SCAPER: variants seen among roughly 807,000 people sequenced by gnomAD.
SCAPER encodes S phase cyclin A-associated protein in the endoplasmic reticulum.
A neutral mutation model predicts 182.2 loss-of-function variants in SCAPER; 98 were observed. The ratio of observed to expected loss-of-function variants is 0.54; its 90% CI spans 0.46 to 0.64. The LOEUF (loss-of-function observed/expected upper bound fraction) is 0.64, where lower values mean the gene tolerates loss of function less well. Among genes scored for constraint, SCAPER ranks in the 30% least tolerant of loss-of-function variants. SCAPER has a pLI of 0.00. For missense variants in SCAPER, 1,432 were observed against 1,690.0 expected, an observed-to-expected ratio of 0.85 and a Z score of 2.68; for synonymous variants, 605 against 564.6, an observed-to-expected ratio of 1.07 and a Z score of -1.01.
rs1393549578 is a variant in SCAPER at position 76,495,991 on chromosome 15, G to GACACAC, written c.2954+8867_2954+8868insGTGTGT. Reference sequence around the variant, plus strand: ...AGAAAGAGAAAGAAAGCAAAAGAGAGAGACACACACACACACACACACACA... The same window carrying GACACAC: ...AGAAAGAGAAAGAAAGCAAAAGAGAGACACACAGACACACACACACACACACACACA... On this transcript the variant is annotated intron_variant, in intron 24 of 31. Coordinates refer to ENST00000563290, the MANE Select transcript of SCAPER (RefSeq NM_020843.4). 4.9e-3 allele frequency among the ~76,000 whole-genome samples: 497 copies of GACACAC among 100,960 alleles called. 10 individuals are homozygous for GACACAC. The highest frequency in any genetic ancestry group is 6.7e-3 in the Non-Finnish European group (330 of 49,504). The allele number at this position is 100,960 out of a possible 152,430, so 66.2% of individuals were successfully genotyped here.
At chr15:76,728,385 T>C (rs2060716633) in intron 17 of SCAPER, among the ~76,000 whole-genome samples, 1 of 152,118 alleles carries the variant, frequency 6.6e-6, no homozygotes, top group Admixed American at 6.6e-5. Flanking sequence ...ATATATTTTT[T>C]GATTTGAGTG....
intron 25 of SCAPER, among the ~76,000 whole-genome samples, chr15:76,470,242 C>T (rs939677429): frequency 2.0e-5 from 3 of 152,094 alleles, no homozygotes; most frequent in Non-Finnish European, 4.4e-5. Flanking sequence ...TACTTCCTGT[C>T]CTCATCGATT....
At chr15:76,530,911 A>G (rs2043601459) in intron 23 of SCAPER, among the ~76,000 whole-genome samples, 1 of 151,506 alleles carries the variant, frequency 6.6e-6, no homozygotes, top group Admixed American at 6.6e-5. Flanking sequence ...TGTATATGTA[A>G]TATATATGTA....
chr15:76,683,725 CT>C (rs2057866776), intron 20 of SCAPER, among the ~76,000 whole-genome samples: 1 of 151,778 alleles, frequency 6.6e-6, no homozygotes, highest in Admixed American at 6.6e-5. Context: ...TAGCAGAAAC[CT>C]TACAAGACAG....
At chr15:76,737,946 G>A (rs903367074) in intron 15 of SCAPER, among the ~76,000 whole-genome samples, 4 of 152,158 alleles carry the variant, frequency 2.6e-5, no homozygotes, top group Non-Finnish European at 5.9e-5. Flanking sequence ...TTGGCTTAAC[G>A]GAATGTTGTG....
chr15:76,440,907 GTTTTTTTTTTGTTTTTTTT>G (rs1204116879), intron 25 of SCAPER, among the ~76,000 whole-genome samples: 1 of 82,818 alleles, frequency 1.2e-5, no homozygotes, highest in African/African-American at 4.4e-5. Flanking sequence ...TCCCCTTCTG[GTTTTTTTTTTGTTTTTTTT>G]TTTTTTTTTT....
At chr15:76,765,104 G>A in intron 13 of SCAPER, 32 bp from the exon 14 acceptor site, 2 of 1,435,710 alleles carry the variant, frequency 1.4e-6, no homozygotes, top group Non-Finnish European at 1.9e-6. Flanking sequence ...CAAGAGACAT[G>A]AAATGTTTAC....
At position 76,826,557 on chromosome 15, in the gene SCAPER, TATA is replaced by T. The variant is rs1268706378; in HGVS notation, c.393+15174_393+15176del. On this transcript the variant is annotated intron_variant, in intron 5 of 31. Transcript: ENST00000563290. ...TGCACATGTACCCTAAAACTTTAAG[TATA>T]ATAATAATTAAAAAAAAAAAAAAAC... Among the ~76,000 whole-genome samples the T allele has an allele frequency of 2.5e-4, 24 of 95,916 alleles. 1 individual carries two copies. The Admixed American group carries it at 3.4e-3, about 13-fold the overall frequency. 62.9% of individuals were successfully genotyped at this position (95,916 alleles called of 152,430 possible).
intron 21 of SCAPER, among the ~76,000 whole-genome samples, chr15:76,622,940 C>G (rs550064109): frequency 6.6e-6 from 1 of 152,266 alleles, no homozygotes; most frequent in South Asian, 2.1e-4. Flanking sequence ...GCCAGGTGCC[C>G]TCCCTATAGG....
intron 5 of SCAPER, among the ~76,000 whole-genome samples, chr15:76,816,761 T>G (rs963841051): frequency 2.0e-5 from 3 of 151,892 alleles, no homozygotes; most frequent in African/African-American, 7.2e-5. Flanking sequence ...CACACCAGTC[T>G]CCTGCCTCAG....
In SCAPER at chr15:76,434,306, T is replaced by G; in HGVS notation, c.3083A>C (p.Tyr1028Ser). The change falls in exon 26 of 32, where the codon TAT becomes TCT. Residue 1028 changes from tyrosine (Y) to serine (S), a missense_variant. Physicochemically the swap from Tyr to Ser is moderately radical, Grantham distance 144. Around this residue, in one of 5 missense-constraint regions of SCAPER, gnomAD observed 718 missense variants for 799.7 expected, o/e 0.90. Transcript: ENST00000563290. The stretch of plus-strand genomic sequence containing the variant: ...AATAGTATTATTTTCATCTGGAACA[T>G]AAACCTAGATGAAAAAAAAGTACAG... Reference protein sequence around the residue: ...MDLLIHQLTVYVPDENNTILG... With the variant: ...MDLLIHQLTVSVPDENNTILG... 6.3e-7 allele frequency: 1 copy of G among 1,598,800 alleles called. No individual in the cohort carries two copies.
intron 29 of SCAPER, among the ~76,000 whole-genome samples, chr15:76,357,461 G>A (rs1407335977): frequency 6.6e-6 from 1 of 152,172 alleles, no homozygotes; most frequent in East Asian, 1.9e-4. Flanking sequence ...AAGAATAACA[G>A]ATGTTGGCGA....
intron 24 of SCAPER, among the ~76,000 whole-genome samples, chr15:76,485,063 C>A (rs1290387639): frequency 6.6e-6 from 1 of 152,100 alleles, no homozygotes; most frequent in Non-Finnish European, 1.5e-5. Context: ...GGCAATCAGG[C>A]AAGAGAGAGA....
At chr15:76,786,169 A>C (rs1029457776) in intron 8 of SCAPER, among the ~76,000 whole-genome samples, 2 of 151,980 alleles carry the variant, frequency 1.3e-5, no homozygotes, top group Non-Finnish European at 2.9e-5. Flanking sequence ...TCTACTAAAG[A>C]CACAAAAATT....
chr15:76,683,598 C>T (rs2057858451), intron 20 of SCAPER, among the ~76,000 whole-genome samples: 1 of 151,872 alleles, frequency 6.6e-6, no homozygotes, highest in Admixed American at 6.6e-5. Flanking sequence ...CCCCAAAACA[C>T]AGAGTCATCA....
At chr15:76,769,093 T>G (rs1004327324) in intron 10 of SCAPER, among the ~76,000 whole-genome samples, 6 of 152,048 alleles carry the variant, frequency 3.9e-5, no homozygotes, top group Non-Finnish European at 7.4e-5. Flanking sequence ...TCTACCCATC[T>G]GACAAAGGGT....
intron 30 of SCAPER, among the ~76,000 whole-genome samples, chr15:76,352,956 G>A (rs543372379): frequency 1.3e-4 from 19 of 151,510 alleles, no homozygotes; most frequent in East Asian, 3.9e-4. Flanking sequence ...CAATTAAGCC[G>A]AAAACAAAAC....
intron 17 of SCAPER, among the ~76,000 whole-genome samples, chr15:76,709,090 A>C (rs1169186697): frequency 6.6e-6 from 1 of 152,134 alleles, no homozygotes. Context: ...TATCACTATA[A>C]ATCATGCTCA....
At chr15:76,752,640 A>T (rs1005178040) in intron 15 of SCAPER, among the ~76,000 whole-genome samples, 1 of 151,786 alleles carries the variant, frequency 6.6e-6, no homozygotes, top group Non-Finnish European at 1.5e-5. Flanking sequence ...AAATTACACC[A>T]TATCATTCCA....
Sources: allele counts gnomAD v4.1 joint callset (sites outside exome capture counted in the v4.1 genomes callset), GRCh38; gene constraint gnomAD v4.1.1; regional missense constraint gnomAD v4.1.1; transcripts MANE v1.5; gene names NCBI Gene and HGNC (gene_info 2026-07-23, HGNC 2026-07-21).